SEMA3E: variants seen among roughly 807,000 people sequenced by gnomAD.
SEMA3E encodes the protein semaphorin 3E.
Under a neutral mutation model 93.6 loss-of-function variants are expected in SEMA3E, and 49 were observed. That is an observed-to-expected ratio of 0.52 (90% CI 0.42 to 0.66). The LOEUF (loss-of-function observed/expected upper bound fraction) is 0.66. Ranked by LOEUF, SEMA3E falls within the 30% of genes least tolerant of loss-of-function variation. The pLI, the probability that SEMA3E is intolerant of heterozygous loss-of-function variation, is 0.00. For synonymous variants in SEMA3E, 363 were observed against 330.7 expected (o/e 1.10, Z -1.06); for missense variants, 906 against 964.8 (o/e 0.94, Z 0.81).
chr7:83,632,537 G>A (rs1445149426), intron 1 of SEMA3E, among the ~76,000 whole-genome samples: 1 of 152,128 alleles, frequency 6.6e-6, no homozygotes, highest in Non-Finnish European at 1.5e-5. Context: ...GTCTTTGCCT[G>A]CTGTCATCCA....
At chr7:83,617,661 AATT>A (rs1245966075) in intron 1 of SEMA3E, among the ~76,000 whole-genome samples, 1 of 146,110 alleles carries the variant, frequency 6.8e-6, no homozygotes, top group African/African-American at 2.5e-5. Flanking sequence ...TTAATTAATA[AATT>A]ATTATAGATA....
chr7:83,608,990 C>T (rs1584361943), intron 1 of SEMA3E, among the ~76,000 whole-genome samples: 1 of 152,138 alleles, frequency 6.6e-6, no homozygotes, highest in South Asian at 2.1e-4. Flanking sequence ...TGACAAATCT[C>T]TACGTAACAA....
intron 1 of SEMA3E, among the ~76,000 whole-genome samples, chr7:83,643,909 C>T (rs116362688): frequency 1.7e-3 from 261 of 152,040 alleles, no homozygotes; most frequent in African/African-American, 6.1e-3. Context: ...TATTTATTAA[C>T]ACCCAGAGAT....
Position 83,420,463 on chromosome 7 carries a change from T to C in SEMA3E, c.457-1980A>G, listed in dbSNP as rs574857760. ...GAATTAGAAGAAAACTATTCTAAAA[T>C]TCATAAGAAACCAAAAAAGAGCCTG... On this transcript the variant is annotated intron_variant, in intron 4 of 16. Transcript: ENST00000643230. Among the ~76,000 whole-genome samples the C allele has an allele frequency of 3.9e-5, 6 of 152,130 alleles. No individual in the cohort carries two copies. In the South Asian group the frequency reaches 1.2e-3, roughly 32 times the overall value.
At chr7:83,527,667 G>A (rs1791189398) in intron 1 of SEMA3E, among the ~76,000 whole-genome samples, 1 of 152,060 alleles carries the variant, frequency 6.6e-6, no homozygotes, top group Admixed American at 6.6e-5. Flanking sequence ...CTTGAGATTG[G>A]CAATTTTCAA....
At chr7:83,519,845 G>A (rs1791008618) in intron 1 of SEMA3E, among the ~76,000 whole-genome samples, 1 of 152,040 alleles carries the variant, frequency 6.6e-6, no homozygotes. Flanking sequence ...TTTTGCAGAA[G>A]AGGAAACCAT....
chr7:83,412,406 G>A (rs1462964500), intron 5 of SEMA3E, among the ~76,000 whole-genome samples: 1 of 152,026 alleles, frequency 6.6e-6, no homozygotes, highest in African/African-American at 2.4e-5. Context: ...AAATATATCA[G>A]AAGTTCCTTT....
At chr7:83,620,726 A>G (rs1776920545) in intron 1 of SEMA3E, among the ~76,000 whole-genome samples, 1 of 152,164 alleles carries the variant, frequency 6.6e-6, no homozygotes, top group Non-Finnish European at 1.5e-5. Flanking sequence ...TCACGTAAAC[A>G]GAAGTAAAAA....
chr7:83,420,227 A>G (rs368020626), intron 4 of SEMA3E, among the ~76,000 whole-genome samples: 1 of 152,166 alleles, frequency 6.6e-6, no homozygotes, highest in Non-Finnish European at 1.5e-5. Flanking sequence ...CTACAAATAC[A>G]TCTAAGCAAG....
chr7:83,526,732 T>G (rs1334117181), intron 1 of SEMA3E, among the ~76,000 whole-genome samples: 1 of 152,300 alleles, frequency 6.6e-6, no homozygotes, highest in East Asian at 1.9e-4. Context: ...CAGTGGTTTG[T>G]GCTTTAAAAG....
intron 1 of SEMA3E, among the ~76,000 whole-genome samples, chr7:83,624,127 A>T (rs538243473): frequency 6.6e-6 from 1 of 152,174 alleles, no homozygotes; most frequent in Non-Finnish European, 1.5e-5. Context: ...TCTCTCCATG[A>T]TGGACATTTG....
chr7:83,501,992 C>G (rs777995532), intron 1 of SEMA3E, among the ~76,000 whole-genome samples: 8 of 152,172 alleles, frequency 5.3e-5, no homozygotes, highest in Non-Finnish European at 8.8e-5. Flanking sequence ...TAATAGCTAT[C>G]TTCTCTTAGA....
intron 1 of SEMA3E, among the ~76,000 whole-genome samples, chr7:83,494,707 G>A (rs1215945734): frequency 6.6e-6 from 1 of 151,906 alleles, no homozygotes; most frequent in African/African-American, 2.4e-5. Flanking sequence ...TCACTGTACT[G>A]ATTCTAAAGG....
At position 83,382,390 on chromosome 7, in the gene SEMA3E, C is replaced by T. The variant is rs73389151; in HGVS notation, c.1875+2904G>A. Among the ~76,000 whole-genome samples the T allele has an allele frequency of 2.4e-4, 36 of 152,076 alleles. 1 individual carries two copies. Among genetic ancestry groups the T allele is most frequent in the Non-Finnish European group, 3.7e-4 (25 of 67,952 alleles). ...CGAGTTAGGAATACCTGAGTTCAAA[C>T]GTCAGGTCTGTCCCTAACTTTGTGT... On this transcript the variant is annotated intron_variant, in intron 16 of 16. Transcript: ENST00000643230.
intron 16 of SEMA3E, among the ~76,000 whole-genome samples, chr7:83,382,411 T>G (rs1277224412): frequency 6.6e-6 from 1 of 151,974 alleles, no homozygotes; most frequent in Non-Finnish European, 1.5e-5. Flanking sequence ...TCCCTAACTT[T>G]GTGTATGAGC....
rs575811216 is a variant in SEMA3E at position 83,457,167 on chromosome 7, A to C, written c.456+9315T>G. Among the ~76,000 whole-genome samples, 12 of 152,220 alleles carry C rather than the reference A, an allele frequency of 7.9e-5. No homozygotes were observed. The South Asian group carries it at 2.5e-3, about 32-fold the overall frequency. On this transcript the variant is annotated intron_variant, in intron 4 of 16. Transcript: ENST00000643230. ...CACCACCTAAATAATGGCACTTTTC[A>C]AGTTATTTTGGGAAAGTGAGAGTGA...
intron 4 of SEMA3E, among the ~76,000 whole-genome samples, chr7:83,459,563 T>G (rs1789566195): frequency 6.6e-6 from 1 of 152,188 alleles, no homozygotes; most frequent in Admixed American, 6.5e-5. Flanking sequence ...TACTTTTATA[T>G]CCTCTGCATT....
At chr7:83,435,476 A>C (rs150448722) in intron 4 of SEMA3E, among the ~76,000 whole-genome samples, 139 of 152,148 alleles carry the variant, frequency 9.1e-4, no homozygotes, top group African/African-American at 3.2e-3. Flanking sequence ...CAAGCCTGTA[A>C]TCCCAGCTGC....
chr7:83,551,005 A>G (rs1791753313), intron 1 of SEMA3E, among the ~76,000 whole-genome samples: 1 of 152,130 alleles, frequency 6.6e-6, no homozygotes. Context: ...ATCAGATTGG[A>G]AAAAAATTAA....
Sources: allele counts gnomAD v4.1 joint callset (sites outside exome capture counted in the v4.1 genomes callset), GRCh38; gene constraint gnomAD v4.1.1; transcripts MANE v1.5; gene names NCBI Gene and HGNC (gene_info 2026-07-23, HGNC 2026-07-21).